Variants in MCPH1 observed in about 807,000 individuals in gnomAD.
MCPH1 encodes the protein microcephalin.
Under a neutral mutation model 84.5 loss-of-function variants are expected in MCPH1, and 104 were observed. The observed-to-expected ratio is 1.23, with a 90% CI of 1.05 to 1.45. The LOEUF is 1.45. Among genes scored for constraint, MCPH1 ranks in the 40% most tolerant of loss-of-function variants. MCPH1 has a pLI of 0.00. For missense variants in MCPH1, 1,498 were observed against 1,005.7 expected, an observed-to-expected ratio of 1.49 and a Z score of -6.62; for synonymous variants, 514 against 366.8, an observed-to-expected ratio of 1.40 and a Z score of -4.58.
intron 13 of MCPH1, chr8:6,626,225 G>T (rs1293275245): frequency 1.0e-6 from 1 of 985,282 alleles, no homozygotes. Flanking sequence ...AACAGGGAGT[G>T]GAGGTGTGAA....
intron 12 of MCPH1, among the ~76,000 whole-genome samples, chr8:6,597,160 C>T (rs573066660): frequency 1.3e-5 from 2 of 152,264 alleles, no homozygotes; most frequent in Admixed American, 1.3e-4. Flanking sequence ...AAATCACCTG[C>T]CTATAAGCCT....
intron 3 of MCPH1, among the ~76,000 whole-genome samples, chr8:6,416,985 GAA>G (rs59266849): frequency 6.9e-6 from 1 of 143,996 alleles, no homozygotes; most frequent in Non-Finnish European, 1.5e-5. Context: ...CAAGAGCGGG[GAA>G]AAAAAAAAAA....
intron 12 of MCPH1, chr8:6,502,533 A>C (rs1812397452): frequency 6.6e-6 from 1 of 152,262 alleles, no homozygotes; most frequent in Non-Finnish European, 1.5e-5. Flanking sequence ...AGCACCTAAG[A>C]GATGGAGTAA....
At chr8:6,427,832 G>C (rs976195329) in intron 3 of MCPH1, among the ~76,000 whole-genome samples, 7 of 147,260 alleles carry the variant, frequency 4.8e-5, no homozygotes, top group African/African-American at 1.8e-4. Flanking sequence ...TCGCTCTGTC[G>C]CCCAGACTGG....
At chr8:6,470,343 G>T (rs1037365256) in intron 9 of MCPH1, among the ~76,000 whole-genome samples, 1 of 152,048 alleles carries the variant, frequency 6.6e-6, no homozygotes, top group Non-Finnish European at 1.5e-5. Flanking sequence ...GAGTGCAGTG[G>T]CGCGATCTCC....
At chr8:6,571,208 A>G (rs1445288858) in intron 12 of MCPH1, among the ~76,000 whole-genome samples, 1 of 152,226 alleles carries the variant, frequency 6.6e-6, no homozygotes, top group Admixed American at 6.5e-5. Context: ...CATTTGCCTG[A>G]TAATATTTTT....
intron 12 of MCPH1, among the ~76,000 whole-genome samples, chr8:6,554,219 GAGTA>G (rs1824177218): frequency 6.6e-6 from 1 of 150,938 alleles, no homozygotes; most frequent in African/African-American, 2.4e-5. Flanking sequence ...GTTAACATGG[GAGTA>G]AGTGTGACAA....
intron 11 of MCPH1, among the ~76,000 whole-genome samples, chr8:6,495,180 A>C (rs775664769): frequency 6.6e-6 from 1 of 152,218 alleles, no homozygotes; most frequent in South Asian, 2.1e-4. Context: ...TTTGTTGTTA[A>C]AAATTATACT....
chr8:6,575,309 T>C (rs1381486196), intron 12 of MCPH1, among the ~76,000 whole-genome samples: 1 of 152,176 alleles, frequency 6.6e-6, no homozygotes, highest in Non-Finnish European at 1.5e-5. Context: ...AGCTTAGCAA[T>C]GTGGGTTTTT....
chr8:6,464,285 C>T (rs982021526), intron 9 of MCPH1, among the ~76,000 whole-genome samples: 6 of 152,212 alleles, frequency 3.9e-5, no homozygotes, highest in Middle Eastern at 3.4e-3. Flanking sequence ...CTCGTTGTAA[C>T]AGGTGTGGGG....
At chr8:6,521,489 A>G (rs1817326447) in intron 12 of MCPH1, 3 of 1,032,462 alleles carry the variant, frequency 2.9e-6, no homozygotes, top group South Asian at 3.4e-5. Context: ...CTACTTCTCC[A>G]AGGTACTCTG....
intron 12 of MCPH1, among the ~76,000 whole-genome samples, chr8:6,561,830 T>G (rs1825588281): frequency 6.6e-6 from 1 of 152,250 alleles, no homozygotes; most frequent in Admixed American, 6.5e-5. Flanking sequence ...TATCCTATTT[T>G]GGTTACGTCT....
chr8:6,446,350 G>T lies in MCPH1; in HGVS notation c.1825+803G>T, dbSNP rs149519368. ...ATTTGAGTGAGAACGCATTCTCTCT[G>T]CATGATTTCTCTGCTCTACAAATGT... On this transcript the variant is annotated intron_variant, in intron 8 of 13. Coordinates refer to ENST00000344683, the MANE Select transcript of MCPH1 (RefSeq NM_024596.5). 294 of 984,580 alleles carry T rather than the reference G, an allele frequency of 3.0e-4. No homozygotes were observed. In the African/African-American group the frequency reaches 4.9e-3, roughly 16 times the overall value. The allele number at this position is 984,580 out of a possible 1,614,324, so 61.0% of individuals were successfully genotyped here. A position where few individuals can be genotyped will look rare whatever the true frequency, so the allele number is the denominator to read the frequency against.
intron 13 of MCPH1, among the ~76,000 whole-genome samples, chr8:6,630,587 G>A (rs1190988156): frequency 6.6e-6 from 1 of 152,126 alleles, no homozygotes; most frequent in Non-Finnish European, 1.5e-5. Context: ...CTAGAGACCA[G>A]CCTGACCAAC....
chr8:6,420,454 C>T (rs1239911505), intron 3 of MCPH1, among the ~76,000 whole-genome samples: 3 of 152,150 alleles, frequency 2.0e-5, no homozygotes, highest in South Asian at 2.1e-4. Flanking sequence ...TGAATTTGCG[C>T]TGTTATCTCC....
rs202202756 is a variant in MCPH1 at position 6,465,924 on chromosome 8, G to GATCCATCCATCCATCCATCC, written c.1935+10675_1935+10694dup. 6.3e-4 allele frequency among the ~76,000 whole-genome samples: 93 copies of GATCCATCCATCCATCCATCC among 148,352 alleles called. 1 individual carries two copies. Among genetic ancestry groups the GATCCATCCATCCATCCATCC allele is most frequent in the Non-Finnish European group, 1.6e-4 (11 of 67,344 alleles). ...TATTTCCTACTCAATTTTATCTATC[G>GATCCATCCATCCATCCATCC]ATCCATCCATCCATCCATCCATGCA... On this transcript the variant is annotated intron_variant, in intron 9 of 13. Coordinates refer to ENST00000344683, the MANE Select transcript of MCPH1 (RefSeq NM_024596.5).
In MCPH1 at chr8:6,445,416, G is replaced by T; in HGVS notation, c.1694G>T (p.Gly565Val). 1 of 1,614,200 alleles carries T rather than the reference G, an allele frequency of 6.2e-7. No homozygotes were observed. The highest frequency in any genetic ancestry group is 8.5e-7 in the Non-Finnish European group (1 of 1,180,040). ...AVGLKSTQNK[G>V]TTSKISNSSE... ...GGTCTGAAAAGCACACAGAACAAAG[G>T]TACCACTTCCAAAATATCAAACTCC... The change falls in exon 8 of 14, where the codon GGT (glycine) becomes GTT (valine). Residue 565 changes from glycine (G) to valine (V), a missense_variant. By Grantham distance (109) the Gly-to-Val change is moderately radical (BLOSUM62 -3). Coordinates refer to ENST00000344683, the MANE Select transcript of MCPH1 (RefSeq NM_024596.5).
At chr8:6,464,874 C>G (rs554594760) in intron 9 of MCPH1, among the ~76,000 whole-genome samples, 1 of 152,252 alleles carries the variant, frequency 6.6e-6, no homozygotes, top group Admixed American at 6.5e-5. Context: ...TGGTACACAC[C>G]TGTAGTCCCA....
chr8:6,605,323 C>T (rs768124836), intron 12 of MCPH1, among the ~76,000 whole-genome samples: 1 of 152,226 alleles, frequency 6.6e-6, no homozygotes, highest in East Asian at 1.9e-4. Context: ...TTGGGACTCA[C>T]ACTCCTTGCA....
Sources: allele counts gnomAD v4.1 joint callset (sites outside exome capture counted in the v4.1 genomes callset), GRCh38; gene constraint gnomAD v4.1.1; transcripts MANE v1.5; gene names NCBI Gene and HGNC (gene_info 2026-07-23, HGNC 2026-07-21).